The following GDAP1 variants were observed in gnomAD, a reference collection of about 807,000 sequenced individuals.
GDAP1 encodes ganglioside induced differentiation associated protein 1, also known as ganglioside-induced differentiation-associated protein 1.
In GDAP1, 34 loss-of-function variants were observed where a neutral mutation model predicts 40.1. The observed-to-expected ratio is 0.85, with a 90% CI of 0.64 to 1.13. GDAP1 has a LOEUF of 1.13. Ranked by LOEUF, GDAP1 falls within the 50% of genes most tolerant of loss-of-function variation. GDAP1 has a pLI of 0.00. For missense variants in GDAP1, 374 were observed against 433.7 expected, an observed-to-expected ratio of 0.86 and a Z score of 1.22; for synonymous variants, 170 against 157.4, an observed-to-expected ratio of 1.08 and a Z score of -0.60.
chr8:74,447,286 T>C (rs1806241322), intron 2 of GDAP1, among the ~76,000 whole-genome samples: 1 of 152,154 alleles, frequency 6.6e-6, no homozygotes, highest in South Asian at 2.1e-4. Flanking sequence ...GTCTTTCTCA[T>C]TAACAAAATT....
At chr8:74,378,679 G>T (rs6987150) in intron 2 of GDAP1, among the ~76,000 whole-genome samples, 43,491 of 152,074 alleles carry the variant, frequency 0.29, 6,564 homozygotes, top group Non-Finnish European at 0.34. Context: ...CAGAGGAAAG[G>T]TGTACATAAT....
At chr8:74,389,018 T>A (rs10108295) in intron 2 of GDAP1, among the ~76,000 whole-genome samples, 6 of 151,886 alleles carry the variant, frequency 4.0e-5, no homozygotes, top group Non-Finnish European at 8.8e-5. Flanking sequence ...TGTTTTTTGC[T>A]TTCCATTTGC....
intron 2 of GDAP1, among the ~76,000 whole-genome samples, chr8:74,407,497 C>T (rs894329378): frequency 6.7e-6 from 1 of 149,600 alleles, no homozygotes; most frequent in Non-Finnish European, 1.5e-5. Context: ...ACCTTTCTCC[C>T]GTGCTGGATG....
At chr8:74,472,922 A>AT (rs766159892) in intron 2 of GDAP1, among the ~76,000 whole-genome samples, 72 of 150,678 alleles carry the variant, frequency 4.8e-4, no homozygotes, top group Non-Finnish European at 8.4e-4. Context: ...TAATTTTTGT[A>AT]TTTTTTTTGT....
chr8:74,373,952 A>C (rs936591674), intron 2 of GDAP1, among the ~76,000 whole-genome samples: 2 of 152,160 alleles, frequency 1.3e-5, no homozygotes, highest in Admixed American at 6.5e-5. Context: ...ATTTATTGAG[A>C]GTTTTTAGCA....
intron 2 of GDAP1, among the ~76,000 whole-genome samples, chr8:74,408,614 G>A (rs1314351326): frequency 6.7e-6 from 1 of 149,996 alleles, no homozygotes; most frequent in Non-Finnish European, 1.5e-5. Flanking sequence ...GGAGTTGTCA[G>A]CCTCCAGAAC....
At chr8:74,357,597 T>C (rs1809161685) in intron 2 of GDAP1, among the ~76,000 whole-genome samples, 1 of 152,242 alleles carries the variant, frequency 6.6e-6, no homozygotes, top group East Asian at 1.9e-4. Flanking sequence ...CCTAAATTTA[T>C]GTGTAATATA....
At chr8:74,408,445 C>T (rs970491931) in intron 2 of GDAP1, among the ~76,000 whole-genome samples, 13 of 149,866 alleles carry the variant, frequency 8.7e-5, no homozygotes, top group Non-Finnish European at 1.8e-4. Context: ...GTCAAAAGGA[C>T]GAAGCCCTCA....
intron 2 of GDAP1, among the ~76,000 whole-genome samples, chr8:74,459,668 A>G (rs773062076): frequency 6.6e-6 from 1 of 152,214 alleles, no homozygotes; most frequent in Non-Finnish European, 1.5e-5. Flanking sequence ...GGAATAACAA[A>G]TTATACATTG....
At chr8:74,415,912 A>G (rs561687106) in intron 2 of GDAP1, among the ~76,000 whole-genome samples, 1 of 149,552 alleles carries the variant, frequency 6.7e-6, no homozygotes, top group African/African-American at 2.6e-5. Context: ...GAGATTCTCA[A>G]TATAATCTCT....
At chr8:74,466,672 G>A (rs76346743) in intron 2 of GDAP1, among the ~76,000 whole-genome samples, 7,188 of 152,248 alleles carry the variant, frequency 0.047, 224 homozygotes, top group Non-Finnish European at 0.066. Context: ...GGGAAAAATA[G>A]GAACAGTTTT....
At chr8:74,410,059 A>G (rs1045290950) in intron 2 of GDAP1, among the ~76,000 whole-genome samples, 1 of 149,946 alleles carries the variant, frequency 6.7e-6, no homozygotes, top group African/African-American at 2.5e-5. Context: ...AGTTCTGTAT[A>G]AGTGCATGCT....
intron 4 of GDAP1, 64 bp downstream of exon 4, chr8:74,362,042 A>G: frequency 1.4e-5 from 12 of 848,554 alleles, no homozygotes; most frequent in South Asian, 1.2e-4. Flanking sequence ...ACTTTTTGTA[A>G]AGTACCACTA....
chr8:74,443,072 T>C (rs1260114188), intron 2 of GDAP1, among the ~76,000 whole-genome samples: 1 of 152,156 alleles, frequency 6.6e-6, no homozygotes, highest in Non-Finnish European at 1.5e-5. Flanking sequence ...AAGTAGTTGA[T>C]GCATTTATAG....
chr8:74,362,059 G>C (rs1809395057), intron 4 of GDAP1, 81 bp downstream of exon 4: 1 of 797,080 alleles, frequency 1.3e-6, no homozygotes, highest in Non-Finnish European at 2.2e-6. Flanking sequence ...ACTATTTCTA[G>C]AATATCTTCT....
chr8:74,432,064 T>G (rs1376138929), intron 2 of GDAP1, among the ~76,000 whole-genome samples: 1 of 152,210 alleles, frequency 6.6e-6, no homozygotes, highest in African/African-American at 2.4e-5. Flanking sequence ...TTATTTTCTC[T>G]AAACTTTAAT....
intron 3 of GDAP1, among the ~76,000 whole-genome samples, chr8:74,360,789 T>C (rs975042677): frequency 2.6e-5 from 4 of 152,224 alleles, no homozygotes; most frequent in Non-Finnish European, 5.9e-5. Flanking sequence ...GATTGAGTTG[T>C]GACATCCAGC....
At chr8:74,403,745 T>C (rs1478355593) in intron 2 of GDAP1, among the ~76,000 whole-genome samples, 3 of 150,240 alleles carry the variant, frequency 2.0e-5, no homozygotes, top group Non-Finnish European at 4.4e-5. Flanking sequence ...GAGGATGAAC[T>C]GTAATCATTA....
intron 2 of GDAP1, among the ~76,000 whole-genome samples, chr8:74,427,994 T>C (rs1805969703): frequency 6.6e-6 from 1 of 152,224 alleles, no homozygotes; most frequent in African/African-American, 2.4e-5. Flanking sequence ...AATGTTTTCC[T>C]GAAATTTTAG....
Sources: allele counts gnomAD v4.1 joint callset (sites outside exome capture counted in the v4.1 genomes callset), GRCh38; gene constraint gnomAD v4.1.1; transcripts MANE v1.5; gene names NCBI Gene and HGNC (gene_info 2026-07-23, HGNC 2026-07-21).